The following JAZF1 variants were observed in gnomAD, a reference collection of about 807,000 sequenced individuals.
JAZF1 encodes juxtaposed with another zinc finger protein 1.
In JAZF1, 8 loss-of-function variants were observed where a neutral mutation model predicts 26.4. That is an observed-to-expected ratio of 0.30 (90% CI 0.18 to 0.55). The LOEUF is 0.55. JAZF1 is among the 20% of genes least tolerant of loss of function. The pLI, the probability that JAZF1 is intolerant of heterozygous loss-of-function variation, is 0.94. For synonymous variants in JAZF1, 126 were observed against 122.3 expected (o/e 1.03, Z -0.20); for missense variants, 199 against 322.0 (o/e 0.62, Z 2.92).
At chr7:27,986,686 C>T (rs1562550121) in intron 2 of JAZF1, among the ~76,000 whole-genome samples, 3 of 145,810 alleles carry the variant, frequency 2.1e-5, no homozygotes, top group South Asian at 4.7e-4. Context: ...CCACTTTCCA[C>T]GGTCTCCCTC....
At position 27,923,633 on chromosome 7, in the gene JAZF1, C is replaced by G. The variant is rs926605111; in HGVS notation, c.189-28217G>C. Among the ~76,000 whole-genome samples the G allele has an allele frequency of 2.0e-5, 3 of 152,230 alleles. No homozygotes were observed. The South Asian group carries it at 6.2e-4, about 32-fold the overall frequency. ...GCGCCGCCAACATTTACAGTCATTC[C>G]TCTTGCTCCATTCCCCCTGCAGCCC... On this transcript the variant is annotated intron_variant, in intron 2 of 4. Coordinates refer to ENST00000283928, the MANE Select transcript of JAZF1 (RefSeq NM_175061.4).
intron 3 of JAZF1, among the ~76,000 whole-genome samples, chr7:27,876,827 C>T (rs1175476230): frequency 6.6e-6 from 1 of 152,184 alleles, no homozygotes; most frequent in East Asian, 1.9e-4. Flanking sequence ...TTCCATTACT[C>T]TCCCTGGAGA....
At chr7:28,103,641 G>A (rs1249321668) in intron 1 of JAZF1, among the ~76,000 whole-genome samples, 1 of 152,116 alleles carries the variant, frequency 6.6e-6, no homozygotes, top group Non-Finnish European at 1.5e-5. Context: ...CCACTCTGGA[G>A]TCATCCTTGG....
At chr7:28,038,498 C>T (rs1347008441) in intron 1 of JAZF1, among the ~76,000 whole-genome samples, 2 of 152,154 alleles carry the variant, frequency 1.3e-5, no homozygotes, top group Non-Finnish European at 2.9e-5. Flanking sequence ...CAAGCATTTA[C>T]AAATATTAGA....
chr7:28,051,492 G>A (rs150217976), intron 1 of JAZF1, among the ~76,000 whole-genome samples: 68 of 152,154 alleles, frequency 4.5e-4, no homozygotes, highest in Middle Eastern at 3.4e-3. Context: ...AATTACAGGC[G>A]TCAGCCACCG....
chr7:27,862,884 A>G (rs1297883849), intron 3 of JAZF1, among the ~76,000 whole-genome samples: 1 of 152,198 alleles, frequency 6.6e-6, no homozygotes, highest in Non-Finnish European at 1.5e-5. Context: ...AGCAAGAACA[A>G]AAGTTCCAGG....
chr7:27,906,047 C>G (rs542333197), intron 2 of JAZF1, among the ~76,000 whole-genome samples: 3 of 152,146 alleles, frequency 2.0e-5, no homozygotes, highest in African/African-American at 7.2e-5. Context: ...ATTATCATTG[C>G]GAAAAATTCA....
intron 1 of JAZF1, among the ~76,000 whole-genome samples, chr7:28,130,009 T>A (rs1312345722): frequency 6.6e-6 from 1 of 152,166 alleles, no homozygotes; most frequent in Admixed American, 6.5e-5. Context: ...TTTTTTTAAA[T>A]CAAGGAATTA....
intron 1 of JAZF1, among the ~76,000 whole-genome samples, chr7:28,046,318 T>C (rs1285220240): frequency 6.6e-6 from 1 of 152,230 alleles, no homozygotes; most frequent in Non-Finnish European, 1.5e-5. Context: ...GTTCCAGACC[T>C]GGCTTGTTAG....
intron 1 of JAZF1, among the ~76,000 whole-genome samples, chr7:28,080,862 C>T (rs1784124589): frequency 6.6e-6 from 1 of 151,650 alleles, no homozygotes; most frequent in Non-Finnish European, 1.5e-5. Flanking sequence ...GCAAGAATTA[C>T]CAAAATGTGA....
intron 3 of JAZF1, among the ~76,000 whole-genome samples, chr7:27,864,915 G>A (rs1412063708): frequency 6.6e-6 from 1 of 152,158 alleles, no homozygotes; most frequent in East Asian, 1.9e-4. Flanking sequence ...AAGTTTTTCT[G>A]TGGCAATGGG....
chr7:27,967,517 A>G (rs561523511), intron 2 of JAZF1, among the ~76,000 whole-genome samples: 10 of 152,330 alleles, frequency 6.6e-5, no homozygotes, highest in African/African-American at 2.4e-4. Flanking sequence ...ACTCAGATCA[A>G]TCAGGGTCAT....
intron 3 of JAZF1, among the ~76,000 whole-genome samples, chr7:27,868,631 C>T (rs1482132388): frequency 1.3e-5 from 2 of 152,176 alleles, no homozygotes; most frequent in Non-Finnish European, 2.9e-5. Flanking sequence ...AAAAGTGGCA[C>T]TCAGATTTCC....
intron 1 of JAZF1, among the ~76,000 whole-genome samples, chr7:27,993,275 ATCAAGTCGGGTCTGAAGGTTT>A (rs1262498275): frequency 6.6e-6 from 1 of 152,212 alleles, no homozygotes. Flanking sequence ...GAATGGCTCC[ATCAAGTCGGGTCTGAAGGTTT>A]TGGCACTGCA....
At chr7:27,955,856 T>C (rs913283010) in intron 2 of JAZF1, among the ~76,000 whole-genome samples, 2 of 152,214 alleles carry the variant, frequency 1.3e-5, no homozygotes, top group African/African-American at 4.8e-5. Context: ...CTTTAGTGAA[T>C]AAAATTCTCA....
intron 3 of JAZF1, among the ~76,000 whole-genome samples, chr7:27,861,306 A>G (rs1316704288): frequency 4.6e-5 from 7 of 152,076 alleles, no homozygotes; most frequent in African/African-American, 1.7e-4. Context: ...AATTTCTTTG[A>G]AAAAAATTTT....
chr7:28,159,600 T>G (rs1428949692), intron 1 of JAZF1, among the ~76,000 whole-genome samples: 1 of 151,930 alleles, frequency 6.6e-6, no homozygotes, highest in African/African-American at 2.4e-5. Flanking sequence ...ATGATTGACA[T>G]TTTGAAGGAT....
At chr7:27,909,707 AAAAACAAAAAAC>A (rs1167062939) in intron 2 of JAZF1, among the ~76,000 whole-genome samples, 7 of 152,164 alleles carry the variant, frequency 4.6e-5, no homozygotes, top group Non-Finnish European at 7.4e-5. Context: ...ACTCCATCTC[AAAAACAAAAAAC>A]AAAACAAAAC....
At chr7:27,970,008 T>G (rs1313972375) in intron 2 of JAZF1, among the ~76,000 whole-genome samples, 1 of 151,792 alleles carries the variant, frequency 6.6e-6, no homozygotes, top group Non-Finnish European at 1.5e-5. Context: ...TCACTGAATT[T>G]CTCTGATCCT....
Sources: allele counts gnomAD v4.1 joint callset (sites outside exome capture counted in the v4.1 genomes callset), GRCh38; gene constraint gnomAD v4.1.1; transcripts MANE v1.5; gene names NCBI Gene and HGNC (gene_info 2026-07-23, HGNC 2026-07-21).